Variants in ISCA1 observed in about 807,000 individuals in gnomAD.
The protein encoded by ISCA1 is iron-sulfur cluster assembly 1 homolog, mitochondrial.
A neutral mutation model predicts 14.7 loss-of-function variants in ISCA1; 9 were observed. The observed-to-expected ratio is 0.61, with a 90% CI of 0.37 to 1.07. The LOEUF is 1.07. ISCA1 is among the 50% of genes least tolerant of loss of function. The probability of loss-of-function intolerance (pLI) is 0.01; values close to 1 mark genes in which losing one functional copy is unlikely to be tolerated. For missense variants in ISCA1, 102 were observed against 150.1 expected (o/e 0.68, Z 1.67); for synonymous variants, 38 against 54.3 (o/e 0.70, Z 1.32).
At chr9:86,267,126 G>A (rs1825300423) in intron 3 of ISCA1, 1 of 161,466 alleles carries the variant, frequency 6.2e-6, no homozygotes, top group African/African-American at 2.4e-5. Context: ...TCGGGAGGCT[G>A]AGGTGGGAGG....
intron 1 of ISCA1, among the ~76,000 whole-genome samples, chr9:86,277,122 T>C (rs74549202): frequency 0.02 from 2,988 of 152,266 alleles, 111 homozygotes; most frequent in African/African-American, 0.067. Flanking sequence ...TATTTTCTTA[T>C]TTTCTCAACT....
chr9:86,277,530 G>A (rs1428616688), intron 1 of ISCA1, among the ~76,000 whole-genome samples: 1 of 152,150 alleles, frequency 6.6e-6, no homozygotes, highest in Non-Finnish European at 1.5e-5. Context: ...ACCAGGGAGA[G>A]GCTAAGAATC....
intron 1 of ISCA1, among the ~76,000 whole-genome samples, chr9:86,279,586 C>T (rs192949785): frequency 6.6e-6 from 1 of 152,294 alleles, no homozygotes; most frequent in Non-Finnish European, 1.5e-5. Flanking sequence ...AAATTCCTAA[C>T]ATCAAAATTT....
intron 1 of ISCA1, among the ~76,000 whole-genome samples, chr9:86,274,898 G>A (rs557367255): frequency 5.3e-5 from 8 of 152,254 alleles, no homozygotes; most frequent in African/African-American, 1.9e-4. Context: ...ACAAGGAGGA[G>A]CTGTTTCCCA....
At chr9:86,267,243 C>T (rs559943966) in intron 3 of ISCA1, 46 of 748,642 alleles carry the variant, frequency 6.1e-5, no homozygotes, top group African/African-American at 1.7e-4. Flanking sequence ...AACAAAACAA[C>T]GAAACAACAA....
At position 86,282,536 on chromosome 9, in the gene ISCA1, AT is replaced by A. The variant is rs1242338229; in HGVS notation, c.-79del. The A allele has an allele frequency of 1.3e-6, 2 of 1,549,118 alleles. No homozygotes were observed. The highest frequency in any genetic ancestry group is 4.9e-5 in the East Asian group (2 of 40,862). ...TTCTCTCCATGGACACGGCGGGCGC[AT>A]TGACGCCACAAGCTTCGGCGCACGG... On this transcript the variant is annotated 5_prime_UTR_variant, in exon 1 of 4. In the 5' UTR this introduces an upstream ATG that the reference lacks. Transcript: ENST00000375991.
intron 1 of ISCA1, among the ~76,000 whole-genome samples, chr9:86,277,014 T>C (rs1825446517): frequency 6.6e-6 from 1 of 152,096 alleles, no homozygotes; most frequent in South Asian, 2.1e-4. Context: ...AAAACAAATG[T>C]GTCTGTCACA....
chr9:86,275,342 TTTGAGACTGCTTGTGAAGTCTCA>T (rs1454339735), intron 1 of ISCA1, among the ~76,000 whole-genome samples: 1 of 152,090 alleles, frequency 6.6e-6, no homozygotes, highest in Non-Finnish European at 1.5e-5. Flanking sequence ...CAGTAAAGTC[TTTGAGACTGCTTGTGAAGTCTCA>T]AAGTCTGGAT....
Position 86,280,385 on chromosome 9 carries a change from A to T in ISCA1, c.81+1993T>A, listed in dbSNP as rs1303061240. ...TGGATCACGAGGTCAGGAGTCCAAGACCAGCCTGGTGAAGATGGTGAAACC... is the reference window on the plus strand; with the variant it reads ...TGGATCACGAGGTCAGGAGTCCAAGTCCAGCCTGGTGAAGATGGTGAAACC... On this transcript the variant is annotated intron_variant, in intron 1 of 3. Coordinates refer to ENST00000375991, the MANE Select transcript of ISCA1 (RefSeq NM_030940.4). Among the ~76,000 whole-genome samples, 4 of 152,132 alleles carry T rather than the reference A, an allele frequency of 2.6e-5. No individual in the cohort carries two copies. The South Asian group carries it at 8.3e-4, about 32-fold the overall frequency.
intron 1 of ISCA1, among the ~76,000 whole-genome samples, chr9:86,280,591 T>C (rs1437713046): frequency 9.2e-6 from 1 of 108,212 alleles, no homozygotes; most frequent in Admixed American, 9.3e-5. Context: ...CGAAACCCTG[T>C]CTCAAAAAAA....
chr9:86,274,291 C>T (rs1240284552), intron 1 of ISCA1, 49 bp from the exon 2 acceptor site: 4 of 1,238,212 alleles, frequency 3.2e-6, no homozygotes, highest in Non-Finnish European at 4.7e-6. Context: ...TTATTCAAAG[C>T]CTCATATTTA....
intron 3 of ISCA1, among the ~76,000 whole-genome samples, chr9:86,266,399 T>C (rs1825293505): frequency 6.6e-6 from 1 of 152,210 alleles, no homozygotes; most frequent in Non-Finnish European, 1.5e-5. Context: ...ACAATCACAT[T>C]AGGGGAGAAT....
chr9:86,279,991 A>G (rs1435749257), intron 1 of ISCA1, among the ~76,000 whole-genome samples: 2 of 152,222 alleles, frequency 1.3e-5, no homozygotes, highest in African/African-American at 2.4e-5. Flanking sequence ...TAAGTAGGAC[A>G]ACAGAGTACA....
chr9:86,267,989 C>A (rs1021424392), intron 3 of ISCA1, among the ~76,000 whole-genome samples: 24 of 151,818 alleles, frequency 1.6e-4, no homozygotes, highest in African/African-American at 5.8e-4. Context: ...ATATAAAAGT[C>A]TAAGCATGTT....
At chr9:86,267,594 A>C (rs1239633358) in intron 3 of ISCA1, 1 of 858,746 alleles carries the variant, frequency 1.2e-6, no homozygotes, top group Admixed American at 6.2e-5. Flanking sequence ...TATAAATTAA[A>C]TTATAATAAA....
At chr9:86,268,587 A>G (rs988011379) in intron 3 of ISCA1, among the ~76,000 whole-genome samples, 1 of 152,096 alleles carries the variant, frequency 6.6e-6, no homozygotes. Context: ...ACATTCACTT[A>G]TCACTCCCTA....
intron 3 of ISCA1, chr9:86,267,714 TC>T: frequency 2.5e-6 from 1 of 400,736 alleles, no homozygotes; most frequent in Non-Finnish European, 3.4e-6. Context: ...GCGCCTATAA[TC>T]CCAGCTACTT....
Position 86,265,844 on chromosome 9 carries a change from C to G in ISCA1, c.*199G>C, listed in dbSNP as rs1211452135. 1.1e-6 allele frequency: 1 copy of G among 894,058 alleles called. No homozygotes were observed. The highest frequency in any genetic ancestry group is 1.8e-6 in the Non-Finnish European group (1 of 558,618). 55.4% of individuals were successfully genotyped at this position (894,058 alleles called of 1,614,324 possible). A position where few individuals can be genotyped will look rare whatever the true frequency, so the allele number is the denominator to read the frequency against. On this transcript the variant is annotated 3_prime_UTR_variant, in exon 4 of 4. Coordinates refer to ENST00000375991, the MANE Select transcript of ISCA1 (RefSeq NM_030940.4). ...AAGGATACAAGAGACCTAAATGATC[C>G]AAAAAGAGTGATGGCTTCTCATTTT...
intron 2 of ISCA1, among the ~76,000 whole-genome samples, chr9:86,273,872 A>T (rs781104677): frequency 1.3e-5 from 2 of 152,188 alleles, no homozygotes; most frequent in African/African-American, 2.4e-5. Context: ...AACATTCTAC[A>T]ATCTGCCCTA....
Sources: allele counts gnomAD v4.1 joint callset (sites outside exome capture counted in the v4.1 genomes callset), GRCh38; gene constraint gnomAD v4.1.1; transcripts MANE v1.5; gene names NCBI Gene and HGNC (gene_info 2026-07-23, HGNC 2026-07-21).